SORCS1: variants seen among roughly 807,000 people sequenced by gnomAD.
SORCS1 encodes the protein sortilin related VPS10 domain containing receptor 1.
SORCS1 carries 60 observed loss-of-function variants against 146.1 expected under a neutral mutation model. The ratio of observed to expected loss-of-function variants is 0.41; its 90% confidence interval spans 0.33 to 0.51. SORCS1 has a LOEUF of 0.51. Among genes scored for constraint, SORCS1 ranks in the 20% least tolerant of loss-of-function variants. SORCS1 has a pLI of 0.21. For missense variants in SORCS1, 1,352 were observed against 1,487.6 expected (o/e 0.91, Z 1.50); for synonymous variants, 637 against 584.0 (o/e 1.09, Z -1.31).
chr10:107,046,283 G>A (rs1226429345), intron 1 of SORCS1, among the ~76,000 whole-genome samples: 1 of 151,844 alleles, frequency 6.6e-6, no homozygotes, highest in Admixed American at 6.6e-5. Context: ...TTTTGTTCAG[G>A]TTGGTCTTGA....
rs368242771 is a variant in SORCS1 at position 106,806,059 on chromosome 10, C to CAAAAA, written c.726+23510_726+23514dup. 8.7e-4 allele frequency among the ~76,000 whole-genome samples: 87 copies of CAAAAA among 100,084 alleles called. 1 individual carries two copies. The highest frequency in any genetic ancestry group is 1.2e-3 in the Non-Finnish European group (62 of 52,390). The allele number at this position is 100,084 out of a possible 152,430, so 65.7% of individuals were successfully genotyped here. A position where few individuals can be genotyped will look rare whatever the true frequency, so the allele number is the denominator to read the frequency against. On this transcript the variant is annotated intron_variant, in intron 3 of 25. Transcript: ENST00000263054. The stretch of plus-strand genomic sequence containing the variant: ...TGGACGACAGAACTAGACTCCGTCT[C>CAAAAA]AAAAAAAAAAAAAAGAAATCATGGA...
intron 1 of SORCS1, among the ~76,000 whole-genome samples, chr10:107,073,785 T>A (rs1300857726): frequency 2.0e-5 from 3 of 152,134 alleles, no homozygotes; most frequent in African/African-American, 7.2e-5. Context: ...ATGCTAAATG[T>A]CATGTGGCAC....
At chr10:106,653,804 A>G (rs1389080259) in intron 17 of SORCS1, among the ~76,000 whole-genome samples, 1 of 152,240 alleles carries the variant, frequency 6.6e-6, no homozygotes, top group African/African-American at 2.4e-5. Flanking sequence ...ACTTAAAAGT[A>G]TCCTAATACT....
intron 1 of SORCS1, among the ~76,000 whole-genome samples, chr10:106,973,755 A>G (rs887496006): frequency 1.3e-5 from 2 of 152,242 alleles, no homozygotes; most frequent in Non-Finnish European, 2.9e-5. Flanking sequence ...CACTTACTAC[A>G]GCACATAAAA....
chr10:107,054,430 C>T (rs1393804761), intron 1 of SORCS1, among the ~76,000 whole-genome samples: 1 of 151,954 alleles, frequency 6.6e-6, no homozygotes, highest in African/African-American at 2.4e-5. Context: ...AAAAAATGGA[C>T]CAGGTAAAGA....
At chr10:106,735,322 C>T (rs562198974) in intron 5 of SORCS1, among the ~76,000 whole-genome samples, 149 of 152,122 alleles carry the variant, frequency 9.8e-4, no homozygotes, top group Middle Eastern at 6.8e-3. Context: ...GTGAAACATT[C>T]CAAACCCCTA....
intron 1 of SORCS1, among the ~76,000 whole-genome samples, chr10:106,989,113 A>C (rs1956621457): frequency 6.6e-6 from 1 of 151,112 alleles, no homozygotes; most frequent in Admixed American, 6.6e-5. Flanking sequence ...ACAAAAAAAA[A>C]AAAAAAATTA....
intron 1 of SORCS1, among the ~76,000 whole-genome samples, chr10:107,084,017 C>A (rs1213631862): frequency 6.6e-6 from 1 of 151,636 alleles, no homozygotes; most frequent in African/African-American, 2.4e-5. Context: ...TCACCTAAAA[C>A]TATACAGAAT....
At chr10:106,611,698 T>C (rs574360597) in intron 22 of SORCS1, among the ~76,000 whole-genome samples, 1 of 152,348 alleles carries the variant, frequency 6.6e-6, no homozygotes, top group South Asian at 2.1e-4. Flanking sequence ...TGTTTGTCCG[T>C]GGTTCCATAG....
chr10:106,579,062 A>T (rs746292403), intron 25 of SORCS1: 17 of 1,611,806 alleles, frequency 1.1e-5, no homozygotes, highest in Non-Finnish European at 8.5e-7. Flanking sequence ...ACTCAGCCGA[A>T]CAGCTGGTGG....
chr10:106,943,099 A>G (rs898853859), intron 2 of SORCS1, among the ~76,000 whole-genome samples: 1 of 152,028 alleles, frequency 6.6e-6, no homozygotes, highest in Non-Finnish European at 1.5e-5. Context: ...CTTCTCAGCC[A>G]CCTGTTACCC....
chr10:106,924,610 T>C, intron 2 of SORCS1, among the ~76,000 whole-genome samples: 1 of 152,022 alleles, frequency 6.6e-6, no homozygotes, highest in African/African-American at 2.4e-5. Flanking sequence ...AGAGGATAGG[T>C]GGTATGGAAG....
intron 20 of SORCS1, among the ~76,000 whole-genome samples, chr10:106,619,112 G>T (rs1055011114): frequency 4.6e-5 from 7 of 152,056 alleles, no homozygotes; most frequent in African/African-American, 1.7e-4. Flanking sequence ...GGTCTCTTGA[G>T]AATCTGGTTT....
intron 1 of SORCS1, among the ~76,000 whole-genome samples, chr10:106,971,161 T>C (rs1955769406): frequency 6.6e-6 from 1 of 152,120 alleles, no homozygotes; most frequent in South Asian, 2.1e-4. Flanking sequence ...TCCACACTCC[T>C]TAAAACATGT....
At chr10:107,153,253 G>T (rs1399472806) in intron 1 of SORCS1, among the ~76,000 whole-genome samples, 1 of 151,530 alleles carries the variant, frequency 6.6e-6, no homozygotes, top group Non-Finnish European at 1.5e-5. Flanking sequence ...TCCTTACTGT[G>T]GCCTTACGAT....
chr10:107,139,643 G>A (rs544745316), intron 1 of SORCS1, among the ~76,000 whole-genome samples: 6 of 152,284 alleles, frequency 3.9e-5, no homozygotes, highest in South Asian at 4.1e-4. Flanking sequence ...AATACATGAC[G>A]CAGTTTCATC....
intron 1 of SORCS1, among the ~76,000 whole-genome samples, chr10:107,158,431 T>C (rs1391079323): frequency 1.3e-5 from 2 of 152,260 alleles, no homozygotes; most frequent in African/African-American, 4.8e-5. Context: ...CAGCTAAAAA[T>C]ATCCTTGTAA....
rs150300514 is a variant in SORCS1, at chr10:107,115,098, A to G, written c.558+48871T>C. 2.8e-3 allele frequency among the ~76,000 whole-genome samples: 422 copies of G among 152,230 alleles called. 3 individuals carry two copies. Among genetic ancestry groups the G allele is most frequent in the African/African-American group, 9.6e-3 (401 of 41,570 alleles). Reference sequence around the variant, plus strand: ...CTATAAAACACTGATGAAGGATATCAAAGAAGACATAAACTAATAAAAACA... The same window carrying G: ...CTATAAAACACTGATGAAGGATATCGAAGAAGACATAAACTAATAAAAACA... On this transcript the variant is annotated intron_variant, in intron 1 of 25. Transcript: ENST00000263054.
In SORCS1 at chr10:106,858,021, T is replaced by C. The variant is rs1035760126; in HGVS notation, c.627-28348A>G. ...TGGTGCATTCTGAGCTGAATGAGCTTCCCTCTCTTTCCTGGATTCCCTGAA... is the reference window on the plus strand; with the variant it reads ...TGGTGCATTCTGAGCTGAATGAGCTCCCCTCTCTTTCCTGGATTCCCTGAA... On this transcript the variant is annotated intron_variant, in intron 2 of 25. Coordinates refer to ENST00000263054, the MANE Select transcript of SORCS1 (RefSeq NM_052918.5). Among the ~76,000 whole-genome samples the C allele has an allele frequency of 2.8e-4, 42 of 152,286 alleles. No individual in the cohort carries two copies. The East Asian group carries it at 7.9e-3, about 29-fold the overall frequency.
Sources: gnomAD v4.1 joint callset for allele counts (sites outside exome capture counted in the v4.1 genomes callset) on GRCh38, gnomAD v4.1.1 for gene constraint, MANE v1.5 for transcripts, NCBI Gene and HGNC (gene_info 2026-07-23, HGNC 2026-07-21) for gene names.